SRGAP2C: variants seen among roughly 807,000 people sequenced by gnomAD.
SRGAP2C encodes SLIT-ROBO Rho GTPase activating protein 2C.
A neutral mutation model predicts 25.1 loss-of-function variants in SRGAP2C; 15 were observed. That is an observed-to-expected ratio of 0.60 (90% CI 0.40 to 0.92). The LOEUF (loss-of-function observed/expected upper bound fraction) is 0.92. Ranked by LOEUF, SRGAP2C falls within the 40% of genes least tolerant of loss-of-function variation. The pLI, the probability that SRGAP2C is intolerant of heterozygous loss-of-function variation, is 0.00. For synonymous variants in SRGAP2C, 44 were observed against 96.6 expected (o/e 0.46, Z 3.19); for missense variants, 144 against 264.4 (o/e 0.54, Z 3.16).
At chr1:121,306,005 G>A (rs1657822046) in intron 3 of SRGAP2C, among the ~76,000 whole-genome samples, 1 of 152,216 alleles carries the variant, frequency 6.6e-6, no homozygotes, top group Non-Finnish European at 1.5e-5. Context: ...GCTGTTGGTT[G>A]TTTTTCTAGA....
At chr1:121,228,669 C>A (rs1162301100) in intron 2 of SRGAP2C, among the ~76,000 whole-genome samples, 3 of 151,850 alleles carry the variant, frequency 2.0e-5, no homozygotes, top group Admixed American at 2.0e-4. Flanking sequence ...ACCATCTCTT[C>A]TAATAGATGG....
chr1:121,211,463 CTT>C (rs1655255856), intron 2 of SRGAP2C, among the ~76,000 whole-genome samples: 1 of 129,326 alleles, frequency 7.7e-6, no homozygotes, highest in Non-Finnish European at 1.7e-5. Context: ...ACACACACAT[CTT>C]ACCTTATTTA....
At position 121,374,962 on chromosome 1, in the gene SRGAP2C, C is replaced by T; in HGVS notation, c.831+8C>T. 1.3e-6 allele frequency: 1 copy of T among 776,214 alleles called. No homozygotes were observed. Among genetic ancestry groups the T allele is most frequent in the South Asian group, 1.4e-5 (1 of 73,704 alleles). 48.1% of individuals were successfully genotyped at this position (776,214 alleles called of 1,614,324 possible). The stretch of plus-strand genomic sequence containing the variant: ...CTATCTGACCTTATTGATGTAAGTG[C>T]TTAAAGCCAAGGGCCTGAGGGCCCC... On this transcript the variant is annotated splice_region_variant and intron_variant, in intron 7 of 9. Coordinates refer to ENST00000367123, the MANE Select transcript of SRGAP2C (RefSeq NM_001329984.2).
chr1:121,228,712 G>A (rs1655742350), intron 2 of SRGAP2C, among the ~76,000 whole-genome samples: 1 of 151,928 alleles, frequency 6.6e-6, no homozygotes, highest in East Asian at 1.9e-4. Flanking sequence ...TGAAGATACT[G>A]GTGACTTAAA....
At chr1:121,283,452 A>T (rs1173173496) in intron 2 of SRGAP2C, among the ~76,000 whole-genome samples, 1 of 151,282 alleles carries the variant, frequency 6.6e-6, no homozygotes, top group Admixed American at 6.6e-5. Context: ...ACATTTCAGC[A>T]TCATAGTTCT....
intron 3 of SRGAP2C, among the ~76,000 whole-genome samples, chr1:121,294,428 C>T (rs1441282316): frequency 3.4e-5 from 5 of 147,242 alleles, no homozygotes; most frequent in South Asian, 2.2e-4. Flanking sequence ...AAGTATTATG[C>T]GAGGGTAGGA....
intron 2 of SRGAP2C, among the ~76,000 whole-genome samples, chr1:121,284,113 G>A (rs1385161249): frequency 6.6e-6 from 1 of 151,984 alleles, no homozygotes; most frequent in Non-Finnish European, 1.5e-5. Context: ...TTTTCATTCT[G>A]TGATATTGGA....
intron 4 of SRGAP2C, among the ~76,000 whole-genome samples, chr1:121,343,393 G>A (rs1553343135): frequency 1.1e-3 from 169 of 151,972 alleles, no homozygotes; most frequent in African/African-American, 3.1e-3. Context: ...TTATCAGTGC[G>A]TATCCCCTCT....
chr1:121,366,847 T>G (rs1217435261), intron 5 of SRGAP2C, among the ~76,000 whole-genome samples: 2 of 150,292 alleles, frequency 1.3e-5, no homozygotes, highest in African/African-American at 2.5e-5. Context: ...TTGCCACTTC[T>G]TCAGTGGGAC....
chr1:121,345,649 CTTTTTTTTTT>C (rs782110661), intron 4 of SRGAP2C, among the ~76,000 whole-genome samples: 17 of 95,776 alleles, frequency 1.8e-4, no homozygotes, highest in African/African-American at 7.2e-4. Flanking sequence ...GGTTGCTCTT[CTTTTTTTTTT>C]TTTTTTTTTT....
chr1:121,289,456 C>T (rs1657448688), intron 3 of SRGAP2C, among the ~76,000 whole-genome samples: 1 of 150,878 alleles, frequency 6.6e-6, no homozygotes, highest in East Asian at 2.0e-4. Context: ...GCAAGCGCCG[C>T]ACGCAGCCCC....
intron 4 of SRGAP2C, among the ~76,000 whole-genome samples, chr1:121,339,247 G>A (rs1429964927): frequency 8.2e-5 from 10 of 121,470 alleles, no homozygotes; most frequent in African/African-American, 2.8e-4. Flanking sequence ...CTTTGGCTAT[G>A]TTGTCTTTTT....
At chr1:121,224,825 T>A (rs1655626459) in intron 2 of SRGAP2C, among the ~76,000 whole-genome samples, 1 of 151,892 alleles carries the variant, frequency 6.6e-6, no homozygotes, top group Non-Finnish European at 1.5e-5. Flanking sequence ...GCTTCATGCG[T>A]GTGTGAGAGA....
In SRGAP2C at chr1:121,241,325, A is replaced by C. The variant is rs1484410343; in HGVS notation, c.68-43478A>C. 1.2e-4 allele frequency among the ~76,000 whole-genome samples: 6 copies of C among 48,372 alleles called. 2 individuals carry two copies. The highest frequency in any genetic ancestry group is 1.9e-4 in the Non-Finnish European group (5 of 26,938). 31.7% of individuals were successfully genotyped at this position (48,372 alleles called of 152,430 possible). A position where few individuals can be genotyped will look rare whatever the true frequency, so the allele number is the denominator to read the frequency against. On this transcript the variant is annotated intron_variant, in intron 2 of 9. Coordinates refer to ENST00000367123, the MANE Select transcript of SRGAP2C (RefSeq NM_001329984.2). Reference sequence around the variant, plus strand: ...TTAACCCACAAAGCTAGATAAACCCATTAGAAGTCCTGAACAATAGCTTCC... The same window carrying C: ...TTAACCCACAAAGCTAGATAAACCCCTTAGAAGTCCTGAACAATAGCTTCC...
At chr1:121,354,314 C>CTTTCTT (rs1553347084) in intron 4 of SRGAP2C, among the ~76,000 whole-genome samples, 5 of 50,710 alleles carry the variant, frequency 9.9e-5, no homozygotes, top group African/African-American at 2.6e-4. Context: ...TTCTTTCTTT[C>CTTTCTT]TTTCTTTCTT....
At chr1:121,275,125 G>C (rs1193215659) in intron 2 of SRGAP2C, among the ~76,000 whole-genome samples, 3 of 135,394 alleles carry the variant, frequency 2.2e-5, no homozygotes, top group African/African-American at 8.3e-5. Flanking sequence ...CATTATTTTG[G>C]CACTTAGGAT....
At chr1:121,274,913 C>T (rs1657066175) in intron 2 of SRGAP2C, among the ~76,000 whole-genome samples, 1 of 141,674 alleles carries the variant, frequency 7.1e-6, no homozygotes, top group South Asian at 2.3e-4. Flanking sequence ...TCATACTCTT[C>T]TGTGTGAACC....
chr1:121,379,132 C>A (rs1468164566), intron 7 of SRGAP2C, among the ~76,000 whole-genome samples: 3 of 152,162 alleles, frequency 2.0e-5, no homozygotes, highest in Non-Finnish European at 2.9e-5. Context: ...ACCATGTGCA[C>A]CCAAGTCGGA....
intron 2 of SRGAP2C, among the ~76,000 whole-genome samples, chr1:121,208,285 T>A: frequency 6.6e-6 from 1 of 152,104 alleles, no homozygotes; most frequent in East Asian, 1.9e-4. Context: ...TGGGCCATAC[T>A]TGAAATGACG....
Sources: allele counts gnomAD v4.1 joint callset (sites outside exome capture counted in the v4.1 genomes callset), GRCh38; gene constraint gnomAD v4.1.1; transcripts MANE v1.5; gene names NCBI Gene and HGNC (gene_info 2026-07-23, HGNC 2026-07-21).